Variants in SLC44A1 observed in about 807,000 individuals in gnomAD.
SLC44A1 encodes choline transporter-like protein 1.
In SLC44A1, 26 loss-of-function variants were observed where a neutral mutation model predicts 79.3. The ratio of observed to expected loss-of-function variants is 0.33; its 90% CI spans 0.24 to 0.46. SLC44A1 has a LOEUF of 0.46. Ranked by LOEUF, SLC44A1 falls within the 20% of genes least tolerant of loss-of-function variation. The pLI is 1.00. For missense variants in SLC44A1, 688 were observed against 798.1 expected (o/e 0.86, Z 1.66); for synonymous variants, 263 against 286.2 (o/e 0.92, Z 0.82).
chr9:105,346,128 T>C (rs1406293959), intron 4 of SLC44A1, among the ~76,000 whole-genome samples: 1 of 152,182 alleles, frequency 6.6e-6, no homozygotes, highest in African/African-American at 2.4e-5. Flanking sequence ...GAGGCTTCTC[T>C]GTTCATCAAC....
At chr9:105,299,018 G>A (rs73510294) in intron 1 of SLC44A1, among the ~76,000 whole-genome samples, 9 of 152,266 alleles carry the variant, frequency 5.9e-5, no homozygotes, top group African/African-American at 2.2e-4. Context: ...AGAGGGGTGG[G>A]AGTAGGGCCA....
intron 1 of SLC44A1, among the ~76,000 whole-genome samples, chr9:105,281,388 TA>T (rs1470253359): frequency 1.3e-5 from 2 of 152,236 alleles, no homozygotes; most frequent in African/African-American, 4.8e-5. Flanking sequence ...TTTGTTTTTT[TA>T]CTATCTTTTT....
chr9:105,393,493 A>G lies in SLC44A1; in HGVS notation c.*4437A>G. ...CATTTGAGCCAAATTCTTATACTCC[A>G]TGTTTTAATTTTAAAAGGATAATTT... On this transcript the variant is annotated 3_prime_UTR_variant, in exon 16 of 16. Coordinates refer to ENST00000374720, the MANE Select transcript of SLC44A1 (RefSeq NM_080546.5). 1.1e-6 allele frequency: 1 copy of G among 942,714 alleles called. No individual in the cohort carries two copies. The highest frequency in any genetic ancestry group is 1.3e-6 in the Non-Finnish European group (1 of 791,048). 58.4% of individuals were successfully genotyped at this position (942,714 alleles called of 1,614,324 possible).
chr9:105,323,380 G>A (rs529708746), intron 3 of SLC44A1, among the ~76,000 whole-genome samples: 48 of 152,188 alleles, frequency 3.2e-4, no homozygotes, highest in African/African-American at 1.1e-3. Context: ...GTATCTGTAC[G>A]AGTAGATCCA....
At chr9:105,375,105 T>C (rs1828236813) in intron 13 of SLC44A1, among the ~76,000 whole-genome samples, 1 of 152,188 alleles carries the variant, frequency 6.6e-6, no homozygotes, top group Non-Finnish European at 1.5e-5. Context: ...ACAATGGTGC[T>C]ATCTCAGCTC....
chr9:105,398,738 G>C (rs1412798362), downstream of SLC44A1, among the ~76,000 whole-genome samples: 1 of 152,124 alleles, frequency 6.6e-6, no homozygotes, highest in Non-Finnish European at 1.5e-5. Flanking sequence ...ACATGTTGAA[G>C]GGTTCAGAAA....
intron 15 of SLC44A1, among the ~76,000 whole-genome samples, chr9:105,435,360 G>C (rs1335723599): frequency 1.3e-5 from 2 of 152,220 alleles, no homozygotes; most frequent in African/African-American, 4.8e-5. Context: ...AGTGGGCTGA[G>C]TCCGAGAAAG....
intron 9 of SLC44A1, among the ~76,000 whole-genome samples, 177 bp downstream of exon 9, chr9:105,363,184 A>G (rs1827834843): frequency 6.6e-6 from 1 of 151,282 alleles, no homozygotes; most frequent in Non-Finnish European, 1.5e-5. Flanking sequence ...TTTTTTTGAG[A>G]CAGAGTCTTG....
intron 15 of SLC44A1, among the ~76,000 whole-genome samples, chr9:105,403,023 T>C (rs1828978618): frequency 2.0e-5 from 3 of 148,668 alleles, no homozygotes; most frequent in Admixed American, 6.7e-5. Flanking sequence ...TCTCGCTTTG[T>C]TGCCCAGGCT....
chr9:105,372,679 G>A lies in SLC44A1; in HGVS notation c.1495-1919G>A, dbSNP rs1457636324. Among the ~76,000 whole-genome samples, 7 of 151,096 alleles carry A rather than the reference G, an allele frequency of 4.6e-5. 1 individual carries two copies. Among genetic ancestry groups the A allele is most frequent in the South Asian group, 2.1e-4 (1 of 4,714 alleles). On this transcript the variant is annotated intron_variant, in intron 12 of 15. Coordinates refer to ENST00000374720, the MANE Select transcript of SLC44A1 (RefSeq NM_080546.5). ...TAAGAACCACAGGTAGGCCGGGCGC[G>A]GTGGCTCACGCCTGTAATCCCAGCA... is the stretch of plus-strand genomic sequence containing the variant.
At chr9:105,281,911 G>C (rs1468895072) in intron 1 of SLC44A1, among the ~76,000 whole-genome samples, 1 of 152,186 alleles carries the variant, frequency 6.6e-6, no homozygotes. Flanking sequence ...TCATTACTTA[G>C]GGCAGTACAG....
intron 12 of SLC44A1, among the ~76,000 whole-genome samples, chr9:105,372,921 G>A (rs1828155407): frequency 6.8e-6 from 1 of 147,542 alleles, no homozygotes. Context: ...CTGCACTCCA[G>A]CCTGGGCGAC....
Position 105,356,356 on chromosome 9 carries a change from A to T in SLC44A1, c.645A>T (p.Ile215=). ...GAGTAATGACCAGCAAAGAAATTAT[A>T]TTGGGACTTTGCTTGTTATCACTAG... is the stretch of plus-strand genomic sequence containing the variant. ...ISGVMTSKEI[I]LGLCLLSLVL... Residue 215 remains isoleucine (I), a synonymous_variant, in exon 6 of 16, where the codon ATA becomes ATT. Coordinates refer to ENST00000374720, the MANE Select transcript of SLC44A1 (RefSeq NM_080546.5). The T allele has an allele frequency of 6.2e-7, 1 of 1,602,846 alleles. No individual in the cohort carries two copies. The highest frequency in any genetic ancestry group is 8.5e-7 in the Non-Finnish European group (1 of 1,174,944).
At chr9:105,426,681 C>A (rs965538628) in intron 15 of SLC44A1, among the ~76,000 whole-genome samples, 1 of 152,036 alleles carries the variant, frequency 6.6e-6, no homozygotes, top group African/African-American at 2.4e-5. Flanking sequence ...CTGCCAGAAC[C>A]TGAATTCAAG....
In SLC44A1 at chr9:105,291,384, G is replaced by A. The variant is rs569713062; in HGVS notation, c.37-7836G>A. ...TGTTTGCCACATACACACTTGAATC[G>A]CACAAATGTCTACGCAGCGGTGACC... On this transcript the variant is annotated intron_variant, in intron 1 of 15. Coordinates refer to ENST00000374720, the MANE Select transcript of SLC44A1 (RefSeq NM_080546.5). Among the ~76,000 whole-genome samples, 13 of 152,290 alleles carry A rather than the reference G, an allele frequency of 8.5e-5. 1 individual carries two copies. The South Asian group carries it at 1.7e-3, about 19-fold the overall frequency.
downstream of SLC44A1, among the ~76,000 whole-genome samples, chr9:105,397,919 G>T (rs1439979340): frequency 6.6e-6 from 1 of 151,908 alleles, no homozygotes; most frequent in African/African-American, 2.4e-5. Context: ...CCGCACTCCA[G>T]CCTGGGGGTC....
chr9:105,386,082 A>C (rs1287136484), intron 15 of SLC44A1: 6 of 985,210 alleles, frequency 6.1e-6, no homozygotes, highest in Non-Finnish European at 7.2e-6. Context: ...ATTCCCACTC[A>C]GTAAGACAAT....
At chr9:105,271,878 T>TGCTG (rs942906383) in intron 1 of SLC44A1, among the ~76,000 whole-genome samples, 7 of 152,204 alleles carry the variant, frequency 4.6e-5, no homozygotes, top group African/African-American at 1.7e-4. Context: ...CCTCCCAAAG[T>TGCTG]GCTGGGATTA....
chr9:105,406,754 T>A (rs1367404820), intron 15 of SLC44A1, among the ~76,000 whole-genome samples: 1 of 152,046 alleles, frequency 6.6e-6, no homozygotes, highest in African/African-American at 2.4e-5. Flanking sequence ...TAAAAAAAAT[T>A]TTTTTAAAAA....
Sources: allele counts gnomAD v4.1 joint callset (sites outside exome capture counted in the v4.1 genomes callset), GRCh38; gene constraint gnomAD v4.1.1; transcripts MANE v1.5; gene names NCBI Gene and HGNC (gene_info 2026-07-23, HGNC 2026-07-21).